NMBR: variants seen among roughly 807,000 people sequenced by gnomAD.
NMBR encodes the protein neuromedin B receptor, also known as neuromedin-B receptor.
A neutral mutation model predicts 20.5 loss-of-function variants in NMBR; 16 were observed. The observed-to-expected ratio is 0.78, with a 90% CI of 0.53 to 1.19. NMBR has a LOEUF of 1.19. NMBR is among the 50% of genes most tolerant of loss of function. The pLI, the probability that NMBR is intolerant of heterozygous loss-of-function variation, is 0.00. For synonymous variants in NMBR, 212 were observed against 196.6 expected (o/e 1.08, Z -0.65); for missense variants, 582 against 499.1 (o/e 1.17, Z -1.58).
intron 2 of NMBR, among the ~76,000 whole-genome samples, chr6:142,084,690 T>C (rs2114561916): frequency 6.6e-6 from 1 of 152,326 alleles, no homozygotes; most frequent in African/African-American, 2.4e-5. Context: ...TCCTAAGAGT[T>C]ATTTGCATTT....
intron 1 of NMBR, among the ~76,000 whole-genome samples, chr6:142,143,200 A>T (rs972005586): frequency 4.6e-5 from 7 of 152,258 alleles, no homozygotes; most frequent in African/African-American, 1.4e-4. Flanking sequence ...ATGCATAGTG[A>T]TAAATTTTTC....
rs767477652 is a variant in NMBR, at chr6:142,080,311, C to CTTT, written c.423-1411_423-1409dup. 9.5e-3 allele frequency among the ~76,000 whole-genome samples: 1,103 copies of CTTT among 116,160 alleles called. 35 individuals are homozygous for CTTT. The highest frequency in any genetic ancestry group is 0.052 in the South Asian group (191 of 3,674). 76.2% of individuals were successfully genotyped at this position (116,160 alleles called of 152,430 possible). A position where few individuals can be genotyped will look rare whatever the true frequency, so the allele number is the denominator to read the frequency against. ...ATATGTGCACATTCTTGCCCTATAT[C>CTTT]TTTTTTTTTTTTTTTTTTTGACAGG... On this transcript the variant is annotated intron_variant, in intron 2 of 3. Transcript: ENST00000258042.
intron 1 of NMBR, among the ~76,000 whole-genome samples, chr6:142,114,033 T>C (rs1162013540): frequency 1.3e-5 from 2 of 152,120 alleles, no homozygotes; most frequent in African/African-American, 2.4e-5. Context: ...CAGGGGTTTC[T>C]CAGCATGAAG....
At chr6:142,097,836 A>AC (rs1777486669) in intron 1 of NMBR, among the ~76,000 whole-genome samples, 2 of 152,140 alleles carry the variant, frequency 1.3e-5, no homozygotes, top group South Asian at 4.1e-4. Flanking sequence ...GAAGTTGCAT[A>AC]TTAAGGAGAG....
At chr6:142,121,710 AT>A (rs1777946200) in intron 1 of NMBR, among the ~76,000 whole-genome samples, 1 of 151,448 alleles carries the variant, frequency 6.6e-6, no homozygotes, top group African/African-American at 2.4e-5. Context: ...CCTTAAAAAA[AT>A]ACGCTAAAAC....
intron 2 of NMBR, among the ~76,000 whole-genome samples, chr6:142,079,734 T>C (rs1330942538): frequency 6.6e-6 from 1 of 152,136 alleles, no homozygotes; most frequent in Non-Finnish European, 1.5e-5. Flanking sequence ...TAATAAGGAC[T>C]GAAAAACTTG....
At chr6:142,136,226 T>G (rs920030118) in intron 1 of NMBR, among the ~76,000 whole-genome samples, 2 of 152,248 alleles carry the variant, frequency 1.3e-5, no homozygotes, top group African/African-American at 2.4e-5. Context: ...TGCTTTTGAT[T>G]TGCATTTCTC....
At chr6:142,082,488 T>C (rs1211155665) in intron 2 of NMBR, among the ~76,000 whole-genome samples, 2 of 152,134 alleles carry the variant, frequency 1.3e-5, no homozygotes, top group East Asian at 1.9e-4. Context: ...CAGAAACACA[T>C]AGAGAAGTAA....
chr6:142,144,498 C>T (rs1018032914), intron 1 of NMBR, among the ~76,000 whole-genome samples: 4 of 152,104 alleles, frequency 2.6e-5, no homozygotes, highest in Non-Finnish European at 5.9e-5. Flanking sequence ...CTATTTTGTT[C>T]TACAGCTCTG....
chr6:142,115,041 T>A (rs1247788741), intron 1 of NMBR, among the ~76,000 whole-genome samples: 1 of 152,142 alleles, frequency 6.6e-6, no homozygotes, highest in East Asian at 1.9e-4. Context: ...TGAGAGAGAC[T>A]TTTTTCTAAT....
chr6:142,095,765 G>A (rs28841314), intron 1 of NMBR, among the ~76,000 whole-genome samples: 3,583 of 152,242 alleles, frequency 0.024, 157 homozygotes, highest in African/African-American at 0.08. Flanking sequence ...GAATTCGGCT[G>A]TGAATCCATC....
chr6:142,081,081 G>A (rs61469286), intron 2 of NMBR, among the ~76,000 whole-genome samples: 3,560 of 152,252 alleles, frequency 0.023, 152 homozygotes, highest in African/African-American at 0.08. Flanking sequence ...TCAGTGTCTG[G>A]TGAGAGTCCC....
In NMBR at chr6:142,079,149, AG is replaced by A. The variant is rs1212668175; in HGVS notation, c.423-247del. On this transcript the variant is annotated intron_variant, in intron 2 of 3. Coordinates refer to ENST00000258042, the MANE Select transcript of NMBR (RefSeq NM_002511.4). The stretch of plus-strand genomic sequence containing the variant: ...AAGAAGAAAGAAAGAAAGAAAAAGA[AG>A]AGAGGAGAGGAGAGGAAAGGAAAGG... Among the ~76,000 whole-genome samples, 13 of 91,952 alleles carry A rather than the reference AG, an allele frequency of 1.4e-4. No individual in the cohort carries two copies. The East Asian group carries it at 1.9e-3, about 14-fold the overall frequency. 60.3% of individuals were successfully genotyped at this position (91,952 alleles called of 152,430 possible).
At chr6:142,117,474 G>A (rs1411459375) in intron 1 of NMBR, among the ~76,000 whole-genome samples, 1 of 151,892 alleles carries the variant, frequency 6.6e-6, no homozygotes, top group African/African-American at 2.4e-5. Context: ...TAAATTAGGT[G>A]TTCACTACAG....
At chr6:142,109,478 T>TC (rs1777720874) in intron 1 of NMBR, among the ~76,000 whole-genome samples, 1 of 63,958 alleles carries the variant, frequency 1.6e-5, no homozygotes, top group African/African-American at 4.0e-5. Context: ...GGGTATGTCT[T>TC]TTTTTTTTTT....
chr6:142,115,625 C>T (rs1337811984), intron 1 of NMBR, among the ~76,000 whole-genome samples: 2 of 151,930 alleles, frequency 1.3e-5, no homozygotes, highest in African/African-American at 4.8e-5. Flanking sequence ...TAGACCTGAA[C>T]TACACTAGTG....
intron 1 of NMBR, among the ~76,000 whole-genome samples, chr6:142,099,539 C>G (rs953258467): frequency 3.3e-5 from 5 of 151,938 alleles, no homozygotes; most frequent in Non-Finnish European, 7.4e-5. Context: ...CCCCTTGATT[C>G]AATCATCTCC....
intron 1 of NMBR, among the ~76,000 whole-genome samples, chr6:142,130,777 G>C (rs556387838): frequency 6.6e-6 from 1 of 152,134 alleles, no homozygotes; most frequent in South Asian, 2.1e-4. Context: ...AATGAAAAAG[G>C]GAAGACACTT....
chr6:142,134,709 T>C, intron 1 of NMBR: 2 of 692,794 alleles, frequency 2.9e-6, no homozygotes, highest in East Asian at 5.4e-5. Context: ...GGCTTCAGAT[T>C]TACCTCTTTG....
Sources: gnomAD v4.1 joint callset for allele counts (sites outside exome capture counted in the v4.1 genomes callset) on GRCh38, gnomAD v4.1.1 for gene constraint, MANE v1.5 for transcripts, NCBI Gene and HGNC (gene_info 2026-07-23, HGNC 2026-07-21) for gene names.